PTPRM: variants seen among roughly 807,000 people sequenced by gnomAD.
PTPRM encodes protein tyrosine phosphatase receptor type M, also known as receptor-type tyrosine-protein phosphatase mu.
Under a neutral mutation model 186.7 loss-of-function variants are expected in PTPRM, and 47 were observed. The ratio of observed to expected loss-of-function variants is 0.25; its 90% CI spans 0.20 to 0.32. The LOEUF is 0.32. Among genes scored for constraint, PTPRM ranks in the 10% least tolerant of loss-of-function variants. The pLI is 1.00. For missense variants in PTPRM, 1,494 were observed against 1,865.0 expected (o/e 0.80, Z 3.66); for synonymous variants, 668 against 674.9 (o/e 0.99, Z 0.16).
At chr18:7,993,554 G>GA (rs2083375785) in intron 7 of PTPRM, among the ~76,000 whole-genome samples, 1 of 152,100 alleles carries the variant, frequency 6.6e-6, no homozygotes, top group African/African-American at 2.4e-5. Flanking sequence ...TAGGTCAGGA[G>GA]AAAATCGAGT....
At chr18:7,900,998 G>A (rs769646715) in intron 3 of PTPRM, among the ~76,000 whole-genome samples, 2 of 152,012 alleles carry the variant, frequency 1.3e-5, no homozygotes, top group Non-Finnish European at 2.9e-5. Context: ...TTTCTTACAC[G>A]TTTCTTTTTT....
chr18:8,317,225 G>A (rs532335832), intron 21 of PTPRM, among the ~76,000 whole-genome samples: 9 of 152,222 alleles, frequency 5.9e-5, no homozygotes, highest in African/African-American at 2.2e-4. Context: ...GAGAAATGGC[G>A]AGACCCTTGA....
chr18:7,862,098 A>G (rs894600630), intron 2 of PTPRM, among the ~76,000 whole-genome samples: 2 of 152,122 alleles, frequency 1.3e-5, no homozygotes, highest in Admixed American at 6.6e-5. Context: ...GAGTCTACAG[A>G]CCTCTTTTCA....
intron 23 of PTPRM, among the ~76,000 whole-genome samples, chr18:8,357,811 T>G (rs1289913370): frequency 6.6e-6 from 1 of 152,110 alleles, no homozygotes; most frequent in Admixed American, 6.5e-5. Context: ...ATAAAACAAC[T>G]TCATTTAACC....
chr18:7,939,701 T>C (rs2052046631), intron 5 of PTPRM, among the ~76,000 whole-genome samples: 1 of 152,212 alleles, frequency 6.6e-6, no homozygotes, highest in African/African-American at 2.4e-5. Flanking sequence ...TCGGTCACTG[T>C]GCTTTGCATG....
intron 7 of PTPRM, among the ~76,000 whole-genome samples, chr18:8,024,122 A>G (rs2085409974): frequency 6.6e-6 from 1 of 152,232 alleles, no homozygotes; most frequent in Non-Finnish European, 1.5e-5. Flanking sequence ...TCTGTGTATT[A>G]TGAGGACAGA....
intron 2 of PTPRM, among the ~76,000 whole-genome samples, chr18:7,883,293 G>A (rs576051907): frequency 4.6e-5 from 7 of 152,252 alleles, no homozygotes; most frequent in Admixed American, 3.9e-4. Flanking sequence ...CTTTGAAAAT[G>A]CATTACCTCG....
chr18:7,706,601 CAAAAAAAAAAAAA>C (rs766639399), intron 1 of PTPRM, among the ~76,000 whole-genome samples: 131 of 16,146 alleles, frequency 8.1e-3, no homozygotes, highest in African/African-American at 0.022. Context: ...GACCTTGTCT[CAAAAAAAAAAAAA>C]AAAAAAAAAA....
At chr18:8,165,246 C>G (rs1196548317) in intron 14 of PTPRM, among the ~76,000 whole-genome samples, 1 of 151,978 alleles carries the variant, frequency 6.6e-6, no homozygotes, top group Non-Finnish European at 1.5e-5. Context: ...GAATTCTTGG[C>G]ACCGCTCATC....
At chr18:7,594,053 C>T (rs913712995) in intron 1 of PTPRM, among the ~76,000 whole-genome samples, 4 of 152,150 alleles carry the variant, frequency 2.6e-5, no homozygotes, top group African/African-American at 7.2e-5. Context: ...TCACTCTATA[C>T]GACCCTCTCC....
chr18:8,253,461 C>A, intron 19 of PTPRM, 47 bp downstream of exon 19: 1 of 1,370,766 alleles, frequency 7.3e-7, no homozygotes, highest in South Asian at 2.0e-5. Flanking sequence ...TTCTTGGATT[C>A]CATGCCAGGT....
At position 7,663,132 on chromosome 18, in the gene PTPRM, GCA is replaced by G. The variant is rs565383755; in HGVS notation, c.73+95244_73+95245del. ...GGAGCAAGGAAGGCAAGTCCTGCTT[GCA>G]CAGTCCTAACTTGGTGCCCTCTCCC... On this transcript the variant is annotated intron_variant, in intron 1 of 32. Transcript: ENST00000580170. 7.9e-4 allele frequency among the ~76,000 whole-genome samples: 121 copies of G among 152,292 alleles called. No individual in the cohort carries two copies. The Middle Eastern group carries it at 0.014, about 17-fold the overall frequency.
At chr18:7,801,577 G>C (rs1193620167) in intron 2 of PTPRM, among the ~76,000 whole-genome samples, 1 of 152,070 alleles carries the variant, frequency 6.6e-6, no homozygotes, top group African/African-American at 2.4e-5. Flanking sequence ...CAAAAGTATA[G>C]TATAGCAAAT....
intron 21 of PTPRM, among the ~76,000 whole-genome samples, chr18:8,318,025 T>C (rs1032377264): frequency 4.6e-5 from 7 of 152,198 alleles, no homozygotes; most frequent in Admixed American, 2.0e-4. Flanking sequence ...GTGTTTGCTT[T>C]TGTTGTTCAT....
At chr18:8,096,013 C>G (rs752398627) in intron 11 of PTPRM, among the ~76,000 whole-genome samples, 1 of 152,182 alleles carries the variant, frequency 6.6e-6, no homozygotes, top group Non-Finnish European at 1.5e-5. Flanking sequence ...TTTGTTGCTT[C>G]TCCTACCTTC....
intron 1 of PTPRM, among the ~76,000 whole-genome samples, chr18:7,760,050 C>T (rs1463779086): frequency 2.0e-5 from 3 of 152,090 alleles, no homozygotes; most frequent in Non-Finnish European, 2.9e-5. Context: ...CTTACTTTTT[C>T]ACAATAGATA....
At chr18:7,844,017 A>G (rs2046472882) in intron 2 of PTPRM, among the ~76,000 whole-genome samples, 1 of 152,174 alleles carries the variant, frequency 6.6e-6, no homozygotes, top group Non-Finnish European at 1.5e-5. Flanking sequence ...TCCAATGGCA[A>G]GCACCCTGAG....
chr18:7,644,823 A>G (rs1296219579), intron 1 of PTPRM, among the ~76,000 whole-genome samples: 3 of 152,156 alleles, frequency 2.0e-5, no homozygotes, highest in Admixed American at 6.5e-5. Context: ...CTATGGCCAT[A>G]CAGTAGAAGA....
At chr18:7,869,146 G>C (rs1191849512) in intron 2 of PTPRM, among the ~76,000 whole-genome samples, 1 of 152,154 alleles carries the variant, frequency 6.6e-6, no homozygotes, top group Non-Finnish European at 1.5e-5. Flanking sequence ...GTGGAGGTGG[G>C]ATCTGCTGAG....
Sources: gnomAD v4.1 joint callset for allele counts (sites outside exome capture counted in the v4.1 genomes callset) on GRCh38, gnomAD v4.1.1 for gene constraint, MANE v1.5 for transcripts, NCBI Gene and HGNC (gene_info 2026-07-23, HGNC 2026-07-21) for gene names.